MIPEP: variants seen among roughly 807,000 people sequenced by gnomAD.
MIPEP encodes mitochondrial intermediate peptidase.
A neutral mutation model predicts 90.3 loss-of-function variants in MIPEP; 79 were observed. That is an observed-to-expected ratio of 0.87 (90% CI 0.73 to 1.05). The LOEUF (loss-of-function observed/expected upper bound fraction) is 1.05, where lower values mean the gene tolerates loss of function less well. MIPEP is among the 50% of genes least tolerant of loss of function. The pLI is 0.00. For missense variants in MIPEP, 940 were observed against 905.6 expected, an observed-to-expected ratio of 1.04 and a Z score of -0.49; for synonymous variants, 334 against 315.8, an observed-to-expected ratio of 1.06 and a Z score of -0.61.
rs530742747 is a variant in MIPEP at position 23,858,779 on chromosome 13, C to T, written c.1106+81G>A. ...GGGGAAGGGTTTGTACTGTGGGCGA[C>T]TCAGTGGATGACAGTAGCTGCTGAA... On this transcript the variant is annotated intron_variant, in intron 10 of 18. Transcript: ENST00000382172. 7.2e-6 allele frequency: 9 copies of T among 1,245,172 alleles called. No homozygotes were observed. The South Asian group carries it at 9.9e-5, about 14-fold the overall frequency. 77.1% of individuals were successfully genotyped at this position (1,245,172 alleles called of 1,614,324 possible). A position where few individuals can be genotyped will look rare whatever the true frequency, so the allele number is the denominator to read the frequency against.
chr13:23,870,924 C>G (rs1047571553), intron 5 of MIPEP, among the ~76,000 whole-genome samples: 1 of 152,228 alleles, frequency 6.6e-6, no homozygotes, highest in African/African-American at 2.4e-5. Flanking sequence ...GCAGTCCCAG[C>G]CCTATGTGGG....
At chr13:23,856,793 A>G (rs904286781) in intron 10 of MIPEP, among the ~76,000 whole-genome samples, 3 of 152,286 alleles carry the variant, frequency 2.0e-5, no homozygotes, top group Admixed American at 1.3e-4. Flanking sequence ...CCATTTGGGC[A>G]TGCTATATTT....
At chr13:23,880,048 C>T (rs1871214378) in intron 3 of MIPEP, among the ~76,000 whole-genome samples, 1 of 152,130 alleles carries the variant, frequency 6.6e-6, no homozygotes, top group Non-Finnish European at 1.5e-5. Flanking sequence ...TAGATACAAT[C>T]TGCACCCTGC....
chr13:23,809,391 G>A (rs1440870788), intron 15 of MIPEP, among the ~76,000 whole-genome samples: 1 of 151,606 alleles, frequency 6.6e-6, no homozygotes, highest in Non-Finnish European at 1.5e-5. Context: ...TGTTGCCCAG[G>A]CTGGAGTCAG....
intron 16 of MIPEP, among the ~76,000 whole-genome samples, chr13:23,794,377 C>T (rs1952934273): frequency 6.6e-6 from 1 of 152,156 alleles, no homozygotes; most frequent in Non-Finnish European, 1.5e-5. Context: ...CAACTGGAGC[C>T]TTCCTCATAT....
intron 16 of MIPEP, among the ~76,000 whole-genome samples, chr13:23,763,675 A>C (rs1321857898): frequency 1.2e-4 from 18 of 152,204 alleles, no homozygotes; most frequent in Admixed American, 1.0e-3. Flanking sequence ...AGAAAGAGAC[A>C]TCAGGATTTG....
At position 23,869,319 on chromosome 13, in the gene MIPEP, G is replaced by A. The variant is rs143912947; in HGVS notation, c.916C>T (p.Leu306Phe). The A allele has an allele frequency of 6.8e-6, 11 of 1,609,958 alleles. No individual in the cohort carries two copies. The highest frequency in any genetic ancestry group is 8.5e-6 in the Non-Finnish European group (10 of 1,178,904). The change falls in exon 7 of 19, where the codon CTC becomes TTC. Residue 306 changes from leucine to phenylalanine, a missense_variant. Leu to Phe is a conservative substitution (Grantham distance 22). Coordinates refer to ENST00000382172, the MANE Select transcript of MIPEP (RefSeq NM_005932.4). ...GGATTTTTAGCTATCGTTCCTTGGA[G>A]AGCCCTGTGAGAAAACGTGGAATAC... is the stretch of plus-strand genomic sequence containing the variant. ...VGYSTFSHRA[L>F]QGTIAKNPET...
chr13:23,868,796 A>C (rs1294409217), intron 7 of MIPEP, among the ~76,000 whole-genome samples: 2 of 152,202 alleles, frequency 1.3e-5, no homozygotes, highest in African/African-American at 4.8e-5. Flanking sequence ...ACATAGCACA[A>C]GGCAAGTTTA....
chr13:23,861,041 T>G (rs7981928), intron 9 of MIPEP, among the ~76,000 whole-genome samples: 58,677 of 151,900 alleles, frequency 0.39, 11,485 homozygotes, highest in East Asian at 0.46. Context: ...CTCAAGAATT[T>G]GCATTTCTAA....
At chr13:23,801,159 G>T (rs1163021852) in intron 16 of MIPEP, among the ~76,000 whole-genome samples, 1 of 152,194 alleles carries the variant, frequency 6.6e-6, no homozygotes, top group Non-Finnish European at 1.5e-5. Context: ...CAAGTTTACA[G>T]GGGGAACACT....
chr13:23,754,691 G>C (rs1947782909), intron 18 of MIPEP, among the ~76,000 whole-genome samples: 1 of 152,130 alleles, frequency 6.6e-6, no homozygotes, highest in Non-Finnish European at 1.5e-5. Context: ...CAAATGTTGA[G>C]GTGTAGCAGC....
intron 16 of MIPEP, among the ~76,000 whole-genome samples, chr13:23,761,339 A>G (rs531431727): frequency 4.6e-5 from 7 of 152,312 alleles, no homozygotes; most frequent in Admixed American, 4.6e-4. Flanking sequence ...CAGAAACGTA[A>G]AGACAGCCTA....
chr13:23,797,981 T>C (rs1050515777), intron 16 of MIPEP, among the ~76,000 whole-genome samples: 1 of 152,242 alleles, frequency 6.6e-6, no homozygotes, highest in Non-Finnish European at 1.5e-5. Context: ...TAAAAGGCTA[T>C]TTCGAATACA....
At chr13:23,734,405 G>A (rs1378790207) in intron 18 of MIPEP, among the ~76,000 whole-genome samples, 5 of 152,172 alleles carry the variant, frequency 3.3e-5, no homozygotes, top group South Asian at 2.1e-4. Flanking sequence ...ATTTTGGTGC[G>A]TTGGCCGAGA....
intron 14 of MIPEP, among the ~76,000 whole-genome samples, chr13:23,820,999 AAAT>A (rs1274217169): frequency 7.2e-5 from 11 of 152,184 alleles, no homozygotes; most frequent in African/African-American, 2.2e-4. Context: ...GAAAAACGCC[AAAT>A]AATACCAACT....
At chr13:23,874,992 G>C in intron 4 of MIPEP, 83 bp from the exon 5 acceptor site, 1 of 1,120,414 alleles carries the variant, frequency 8.9e-7, no homozygotes, top group Non-Finnish European at 1.3e-6. Context: ...AAATAAATAA[G>C]TCTTTTTCAG....
In MIPEP at chr13:23,889,268, G is replaced by T; in HGVS notation, c.53C>A (p.Pro18Gln). ...GCTTCCCCGGCCCGCCCGGCGGGGC[G>T]GCAGAGCTGCTGCTCTGGCTCCCAA... Reference protein sequence around the residue: ...GGLGARAAALPPRRAGRGSLE... With the variant: ...GGLGARAAALQPRRAGRGSLE... The change falls in exon 1 of 19, where the codon CCG becomes CAG. Residue 18 changes from proline to glutamine, a missense_variant. Transcript: ENST00000382172. 1 of 1,383,014 alleles carries T rather than the reference G, an allele frequency of 7.2e-7. No homozygotes were observed. The highest frequency in any genetic ancestry group is 1.5e-5 in the African/African-American group (1 of 65,322). 85.7% of individuals were successfully genotyped at this position (1,383,014 alleles called of 1,614,324 possible).
chr13:23,866,249 C>G (rs918183971), intron 7 of MIPEP, among the ~76,000 whole-genome samples: 17 of 152,160 alleles, frequency 1.1e-4, no homozygotes, highest in African/African-American at 4.1e-4. Context: ...TGTACTACTC[C>G]ATCGACACCG....
At chr13:23,759,958 T>C (rs1952522625) in intron 17 of MIPEP, 138 bp downstream of exon 17, 2 of 1,064,254 alleles carry the variant, frequency 1.9e-6, no homozygotes, top group Admixed American at 4.1e-5. Flanking sequence ...GGGGCGAGGC[T>C]GTGTGGGGAG....
Sources: gnomAD v4.1 joint callset for allele counts (sites outside exome capture counted in the v4.1 genomes callset) on GRCh38, gnomAD v4.1.1 for gene constraint, MANE v1.5 for transcripts, NCBI Gene and HGNC (gene_info 2026-07-23, HGNC 2026-07-21) for gene names.